Variants in ROBO2 observed in about 807,000 individuals in gnomAD.
The protein encoded by ROBO2 is roundabout homolog 2.
In ROBO2, 53 loss-of-function variants were observed where a neutral mutation model predicts 160.8. The observed-to-expected ratio is 0.33, with a 90% confidence interval of 0.26 to 0.41. ROBO2 has a LOEUF of 0.41. Ranked by LOEUF, ROBO2 falls within the 10% of genes least tolerant of loss-of-function variation. The pLI is 1.00. For missense variants in ROBO2, 1,577 were observed against 1,722.4 expected (o/e 0.92, Z 1.49); for synonymous variants, 664 against 611.7 (o/e 1.09, Z -1.26).
At chr3:77,444,580 T>C (rs1262332645) in intron 2 of ROBO2, among the ~76,000 whole-genome samples, 1 of 152,130 alleles carries the variant, frequency 6.6e-6, no homozygotes, top group East Asian at 1.9e-4. Context: ...CCATGAAAAG[T>C]TTTAAAGAGG....
intron 2 of ROBO2, among the ~76,000 whole-genome samples, chr3:77,132,767 C>A (rs1001068956): frequency 2.6e-5 from 4 of 151,388 alleles, no homozygotes; most frequent in Non-Finnish European, 5.9e-5. Context: ...CTGTGAGGCA[C>A]TGGAAAAATG....
At chr3:77,554,646 AC>A (rs2093043959) in intron 8 of ROBO2, among the ~76,000 whole-genome samples, 2 of 151,996 alleles carry the variant, frequency 1.3e-5, no homozygotes, top group South Asian at 4.1e-4. Flanking sequence ...AAGTAACTGC[AC>A]ATGTGGTACA....
intron 24 of ROBO2, among the ~76,000 whole-genome samples, chr3:77,640,401 A>T (rs912190009): frequency 2.6e-4 from 39 of 152,312 alleles, no homozygotes; most frequent in African/African-American, 8.9e-4. Flanking sequence ...GGCGTGAGCC[A>T]CTGCGCCCGG....
At chr3:77,176,208 A>T (rs1234249816) in intron 2 of ROBO2, among the ~76,000 whole-genome samples, 1 of 151,896 alleles carries the variant, frequency 6.6e-6, no homozygotes, top group African/African-American at 2.4e-5. Context: ...CTTCAGAGCT[A>T]ATTGAGAAAA....
At chr3:76,531,247 T>C (rs2082208037) in intron 2 of ROBO2, among the ~76,000 whole-genome samples, 3 of 151,268 alleles carry the variant, frequency 2.0e-5, no homozygotes. Context: ...ATTTTCACCA[T>C]TAATTCATTG....
At chr3:77,099,131 G>T (rs749087399) in intron 2 of ROBO2, among the ~76,000 whole-genome samples, 2 of 142,972 alleles carry the variant, frequency 1.4e-5, no homozygotes, top group African/African-American at 2.6e-5. Context: ...GAGTGCAATG[G>T]CGCGATCTCT....
intron 2 of ROBO2, among the ~76,000 whole-genome samples, chr3:76,522,016 T>C (rs956963323): frequency 2.0e-5 from 3 of 152,174 alleles, no homozygotes; most frequent in Non-Finnish European, 2.9e-5. Context: ...GTTTTTGTTT[T>C]TCAAGAATTT....
Position 76,789,674 on chromosome 3 carries a change from A to T in ROBO2, c.110-308340A>T, listed in dbSNP as rs371387932. ...AAACTGTAGTGAGAGCCTTACTCAA[A>T]TCAATGTAGAGTTTATAAGTGAAAA... On this transcript the variant is annotated intron_variant, in intron 2 of 26. Coordinates refer to the ROBO2 transcript ENST00000487694. Among the ~76,000 whole-genome samples the T allele has an allele frequency of 6.6e-5, 10 of 151,832 alleles. No individual in the cohort carries two copies. The East Asian group carries it at 9.8e-4, about 15-fold the overall frequency.
At chr3:77,368,705 T>C (rs1243305992) in intron 2 of ROBO2, among the ~76,000 whole-genome samples, 2 of 152,236 alleles carry the variant, frequency 1.3e-5, no homozygotes, top group East Asian at 1.9e-4. Flanking sequence ...TTAGATCTTA[T>C]GTTCTGTATC....
chr3:77,637,238 C>G (rs2095279289), intron 24 of ROBO2, among the ~76,000 whole-genome samples: 1 of 152,098 alleles, frequency 6.6e-6, no homozygotes, highest in Non-Finnish European at 1.5e-5. Flanking sequence ...GTCCTTAGCA[C>G]ACTTACACTT....
chr3:76,075,575 A>G (rs989053179), intron 2 of ROBO2, among the ~76,000 whole-genome samples: 2 of 151,852 alleles, frequency 1.3e-5, no homozygotes, highest in Non-Finnish European at 2.9e-5. Context: ...ATTGAATTAA[A>G]TGTAACATTT....
chr3:76,167,126 A>C (rs2072867398), intron 2 of ROBO2, among the ~76,000 whole-genome samples: 1 of 151,994 alleles, frequency 6.6e-6, no homozygotes, highest in Admixed American at 6.6e-5. Context: ...TTTTTAGTAG[A>C]GATGAGATTT....
chr3:77,481,036 C>A (rs2084628453), intron 3 of ROBO2, 63 bp from the exon 4 acceptor site: 1 of 1,361,902 alleles, frequency 7.3e-7, no homozygotes, highest in Non-Finnish European at 1.0e-6. Context: ...TTATTAATGA[C>A]CTTTATTTTC....
At chr3:76,469,467 A>G (rs1167558597) in intron 2 of ROBO2, among the ~76,000 whole-genome samples, 1 of 152,084 alleles carries the variant, frequency 6.6e-6, no homozygotes, top group Non-Finnish European at 1.5e-5. Flanking sequence ...TCCTATTAGA[A>G]TAAATACAAA....
chr3:76,274,605 G>A (rs1359344655), intron 2 of ROBO2, among the ~76,000 whole-genome samples: 2 of 151,990 alleles, frequency 1.3e-5, no homozygotes, highest in African/African-American at 4.8e-5. Flanking sequence ...TTGGGAGGCC[G>A]AGGTGGGTGG....
intron 2 of ROBO2, among the ~76,000 whole-genome samples, chr3:77,141,077 A>T (rs909197086): frequency 1.3e-5 from 2 of 152,230 alleles, no homozygotes; most frequent in Non-Finnish European, 1.5e-5. Context: ...ACCCAATGTG[A>T]TAATTTAGGA....
intron 2 of ROBO2, among the ~76,000 whole-genome samples, chr3:76,597,585 TA>T (rs1257068864): frequency 2.0e-5 from 3 of 151,936 alleles, no homozygotes; most frequent in Non-Finnish European, 4.4e-5. Context: ...ATAGCTAAAA[TA>T]AAAAAACAGA....
chr3:76,307,187 C>T (rs188715692), intron 2 of ROBO2, among the ~76,000 whole-genome samples: 1 of 152,280 alleles, frequency 6.6e-6, no homozygotes, highest in Non-Finnish European at 1.5e-5. Context: ...ATTTCCTCAG[C>T]CTGGATTATC....
At chr3:76,675,553 C>A (rs1575877154) in intron 2 of ROBO2, among the ~76,000 whole-genome samples, 2 of 152,230 alleles carry the variant, frequency 1.3e-5, no homozygotes, top group East Asian at 3.9e-4. Flanking sequence ...GCAAATTAAC[C>A]CTATGTTAGA....
Sources: gnomAD v4.1 joint callset for allele counts (sites outside exome capture counted in the v4.1 genomes callset) on GRCh38, gnomAD v4.1.1 for gene constraint, MANE v1.5 for transcripts, NCBI Gene and HGNC (gene_info 2026-07-23, HGNC 2026-07-21) for gene names.